Variants in CXADR observed in about 807,000 individuals in gnomAD.
CXADR encodes the protein coxsackievirus and adenovirus receptor.
Under a neutral mutation model 40.3 loss-of-function variants are expected in CXADR, and 20 were observed. The ratio of observed to expected loss-of-function variants is 0.50; its 90% CI spans 0.35 to 0.72. The LOEUF (loss-of-function observed/expected upper bound fraction) is 0.72, where lower values mean the gene tolerates loss of function less well. Ranked by LOEUF, CXADR falls within the 30% of genes least tolerant of loss-of-function variation. The pLI is 0.01. For synonymous variants in CXADR, 150 were observed against 161.3 expected, an observed-to-expected ratio of 0.93 and a Z score of 0.53; for missense variants, 332 against 449.1, an observed-to-expected ratio of 0.74 and a Z score of 2.36.
At chr21:17,602,865 T>C in the CXADR span, among the ~76,000 whole-genome samples, 2 of 152,234 alleles carry the variant, frequency 1.3e-5, no homozygotes, top group African/African-American at 2.4e-5. Context: ...AAAATGTTTA[T>C]ATAATTATGT....
the CXADR span, chr21:17,633,031 T>C: frequency 6.6e-6 from 1 of 152,120 alleles, no homozygotes; most frequent in Admixed American, 6.5e-5. Flanking sequence ...CAGAAAACGA[T>C]GTCTCATAGT....
intron 1 of CXADR, chr21:17,519,063 G>C (rs73324063): frequency 9.8e-7 from 1 of 1,018,368 alleles, no homozygotes; most frequent in Admixed American, 1.8e-5. Flanking sequence ...ATGGCTGCCC[G>C]ATATGCCCCC....
chr21:17,598,412 T>C (rs1324030728), downstream of CXADR, among the ~76,000 whole-genome samples: 2 of 152,210 alleles, frequency 1.3e-5, no homozygotes, highest in African/African-American at 4.8e-5. Flanking sequence ...TCCTAGTTAT[T>C]GTATAGTGAA....
intron 1 of CXADR, among the ~76,000 whole-genome samples, chr21:17,531,306 AAAAAAG>A (rs1295041960): frequency 1.3e-5 from 2 of 151,974 alleles, no homozygotes; most frequent in Non-Finnish European, 2.9e-5. Context: ...CTCAAAAAAA[AAAAAAG>A]AAAAGAAAAA....
intron 2 of CXADR, among the ~76,000 whole-genome samples, chr21:17,547,884 T>C (rs2060919027): frequency 6.6e-6 from 1 of 152,188 alleles, no homozygotes; most frequent in African/African-American, 2.4e-5. Context: ...CAGTATTTTT[T>C]CTAATCAAAG....
chr21:17,593,208 A>G (rs2061458052), exon 8 of CXADR: 1 of 1,438,570 alleles, frequency 7.0e-7, no homozygotes, highest in Non-Finnish European at 9.2e-7. Context: ...GGACTACTGA[A>G]GAATCTGAAG....
chr21:17,515,582 C>T (rs1490749240), intron 1 of CXADR, among the ~76,000 whole-genome samples: 1 of 152,136 alleles, frequency 6.6e-6, no homozygotes, highest in African/African-American at 2.4e-5. Context: ...GAGGCCGAGG[C>T]GGGCAGATCA....
intron 1 of CXADR, among the ~76,000 whole-genome samples, chr21:17,541,415 G>T (rs931145209): frequency 6.6e-6 from 1 of 152,040 alleles, no homozygotes; most frequent in Non-Finnish European, 1.5e-5. Flanking sequence ...AAATTAGCCG[G>T]ACGTGGTGGT....
At chr21:17,581,448 C>T (rs1259211156) in intron 7 of CXADR, among the ~76,000 whole-genome samples, 1 of 152,130 alleles carries the variant, frequency 6.6e-6, no homozygotes, top group Non-Finnish European at 1.5e-5. Flanking sequence ...TACTTTTATC[C>T]AACTTCTTGA....
chr21:17,515,466 T>TA (rs1348929389), intron 1 of CXADR, among the ~76,000 whole-genome samples: 1 of 147,364 alleles, frequency 6.8e-6, no homozygotes, highest in South Asian at 2.2e-4. Context: ...AAAGAAGACA[T>TA]ACTAATTGAT....
chr21:17,565,634 G>T lies in CXADR; in HGVS notation c.1040G>T (p.Arg347Leu). 1 of 1,612,116 alleles carries T rather than the reference G, an allele frequency of 6.2e-7. No homozygotes were observed. The highest frequency in any genetic ancestry group is 8.5e-7 in the Non-Finnish European group (1 of 1,179,826). ...PAKVAAPNLS[R>L]MGAIPVMIPA... ...AAGGTAGCTGCCCCTAATCTAAGTC[G>T]AATGGGTGCGATTCCTGTGATGATT... The change falls in exon 7 of 7, where the codon CGA (arginine) becomes CTA (leucine). Residue 347 changes from arginine (R) to leucine (L), a missense_variant. Coordinates refer to ENST00000284878, the MANE Select transcript of CXADR (RefSeq NM_001338.5).
intron 1 of CXADR, among the ~76,000 whole-genome samples, chr21:17,529,664 G>A (rs1304141230): frequency 6.6e-6 from 1 of 152,160 alleles, no homozygotes; most frequent in African/African-American, 2.4e-5. Context: ...AGAACATTAT[G>A]TATTTAACAC....
chr21:17,631,932 C>A, the CXADR span, among the ~76,000 whole-genome samples: 1 of 152,172 alleles, frequency 6.6e-6, no homozygotes, highest in Non-Finnish European at 1.5e-5. Context: ...CCACCTCAGC[C>A]TCCTGAGCAG....
chr21:17,529,901 G>GTTT (rs1219892043), intron 1 of CXADR, among the ~76,000 whole-genome samples: 1 of 151,616 alleles, frequency 6.6e-6, no homozygotes, highest in Non-Finnish European at 1.5e-5. Context: ...CAGAAGCCCT[G>GTTT]TCATGCCCCT....
chr21:17,578,667 A>AAAAATAT (rs368413640), intron 7 of CXADR, among the ~76,000 whole-genome samples: 2 of 152,178 alleles, frequency 1.3e-5, no homozygotes, highest in African/African-American at 4.8e-5. Flanking sequence ...CATCTCTACA[A>AAAAATAT]AAAATATAAA....
intron 3 of CXADR, among the ~76,000 whole-genome samples, chr21:17,556,124 C>T (rs1460907589): frequency 6.6e-6 from 1 of 152,238 alleles, no homozygotes; most frequent in East Asian, 1.9e-4. Context: ...AGCAGATGTT[C>T]TGAGGACAGC....
At position 17,551,424 on chromosome 21, in the gene CXADR, C is replaced by T. The variant is rs58359860; in HGVS notation, c.211-325C>T. Among the ~76,000 whole-genome samples the T allele has an allele frequency of 3.9e-3, 600 of 152,164 alleles. 6 individuals are homozygous for T. Among genetic ancestry groups the T allele is most frequent in the African/African-American group, 0.013 (555 of 41,530 alleles). Reference sequence around the variant, plus strand: ...AAAAGAAAAGGAAAAGAAAAGACAACGAACAAGCAAATCTGTGTTCTTGCC... The same window carrying T: ...AAAAGAAAAGGAAAAGAAAAGACAATGAACAAGCAAATCTGTGTTCTTGCC... On this transcript the variant is annotated intron_variant, in intron 2 of 6. Coordinates refer to ENST00000284878, the MANE Select transcript of CXADR (RefSeq NM_001338.5).
At chr21:17,531,162 G>A (rs73199479) in intron 1 of CXADR, among the ~76,000 whole-genome samples, 3,203 of 152,134 alleles carry the variant, frequency 0.021, 54 homozygotes, top group Middle Eastern at 0.041. Flanking sequence ...GTTGGTCGTG[G>A]TGGCAGGGCG....
At chr21:17,516,109 A>G (rs1218902934) in intron 1 of CXADR, among the ~76,000 whole-genome samples, 3 of 152,206 alleles carry the variant, frequency 2.0e-5, no homozygotes, top group Non-Finnish European at 4.4e-5. Flanking sequence ...ATGAAATGCC[A>G]GATACTGTTC....
Sources: gnomAD v4.1 joint callset for allele counts (sites outside exome capture counted in the v4.1 genomes callset) on GRCh38, gnomAD v4.1.1 for gene constraint, MANE v1.5 for transcripts, NCBI Gene and HGNC (gene_info 2026-07-23, HGNC 2026-07-21) for gene names.